Variants in GRM8 observed in about 807,000 individuals in gnomAD.
GRM8 encodes the protein glutamate metabotropic receptor 8.
Under a neutral mutation model 87.2 loss-of-function variants are expected in GRM8, and 47 were observed. The observed-to-expected ratio is 0.54, with a 90% confidence interval of 0.43 to 0.69. GRM8 has a LOEUF of 0.69. Ranked by LOEUF, GRM8 falls within the 30% of genes least tolerant of loss-of-function variation. GRM8 has a pLI of 0.00. For synonymous variants in GRM8, 396 were observed against 404.5 expected (o/e 0.98, Z 0.25); for missense variants, 1,019 against 1,139.2 (o/e 0.89, Z 1.52).
Position 127,234,253 on chromosome 7 carries a change from A to C in GRM8, c.510+8442T>G, listed in dbSNP as rs186209223. ...AATTCCCAATTAATGTATATCTTACAATCTAAGTTTCTTAAATCAGTCTGC... is the reference window on the plus strand; with the variant it reads ...AATTCCCAATTAATGTATATCTTACCATCTAAGTTTCTTAAATCAGTCTGC... On this transcript the variant is annotated intron_variant, in intron 2 of 10. Transcript: ENST00000339582. Among the ~76,000 whole-genome samples the C allele has an allele frequency of 1.7e-3, 252 of 152,346 alleles. 1 individual carries two copies. Among genetic ancestry groups the C allele is most frequent in the Middle Eastern group, 6.8e-3 (2 of 294 alleles).
rs74529736 is a variant in GRM8, at chr7:126,742,962, A to G, written c.1357+26903T>C. ...TATCTTCATTTCCACCACTTCCCCAACAGAGGCTGACCCGCTGTCTGGCAT... is the reference window on the plus strand; with the variant it reads ...TATCTTCATTTCCACCACTTCCCCAGCAGAGGCTGACCCGCTGTCTGGCAT... On this transcript the variant is annotated intron_variant, in intron 7 of 10. Transcript: ENST00000339582. Among the ~76,000 whole-genome samples the G allele has an allele frequency of 1.7e-4, 26 of 152,164 alleles. No individual in the cohort carries two copies. In the East Asian group the frequency reaches 5.1e-3, roughly 30 times the overall value.
intron 8 of GRM8, among the ~76,000 whole-genome samples, chr7:126,561,247 C>T (rs142582747): frequency 7.2e-5 from 11 of 152,132 alleles, no homozygotes; most frequent in African/African-American, 2.4e-4. Flanking sequence ...CCAAGGTGGG[C>T]GGATCACGAG....
chr7:126,879,611 C>G (rs532356541), intron 6 of GRM8, among the ~76,000 whole-genome samples: 6 of 150,694 alleles, frequency 4.0e-5, no homozygotes, highest in Admixed American at 6.6e-5. Context: ...AAGGCAAAGC[C>G]GTACATCACC....
intron 8 of GRM8, among the ~76,000 whole-genome samples, chr7:126,593,602 A>G (rs183727183): frequency 1.6e-3 from 246 of 152,218 alleles, no homozygotes; most frequent in African/African-American, 4.8e-3. Flanking sequence ...TTAACTTAAA[A>G]TGGATTAAAT....
At chr7:126,451,373 A>G (rs942674378) in intron 9 of GRM8, among the ~76,000 whole-genome samples, 7 of 151,684 alleles carry the variant, frequency 4.6e-5, no homozygotes, top group Non-Finnish European at 8.8e-5. Flanking sequence ...ACCATATCCT[A>G]TTGATTCTAC....
chr7:127,087,347 G>A (rs541132560), intron 3 of GRM8, among the ~76,000 whole-genome samples: 14 of 152,304 alleles, frequency 9.2e-5, no homozygotes, highest in Admixed American at 1.3e-4. Flanking sequence ...AATAGAGAAC[G>A]AAGAGTATGA....
intron 9 of GRM8, among the ~76,000 whole-genome samples, chr7:126,503,836 C>T (rs1292867006): frequency 6.6e-6 from 1 of 152,010 alleles, no homozygotes; most frequent in African/African-American, 2.4e-5. Flanking sequence ...CACTTACGGG[C>T]TGAGGCATTC....
chr7:127,235,314 T>C (rs935509236), intron 2 of GRM8, among the ~76,000 whole-genome samples: 1 of 152,250 alleles, frequency 6.6e-6, no homozygotes, highest in African/African-American at 2.4e-5. Context: ...CTCCCTGAAC[T>C]GTCTGAGCAT....
chr7:126,925,133 A>G (rs1321441361), intron 3 of GRM8, among the ~76,000 whole-genome samples: 1 of 152,190 alleles, frequency 6.6e-6, no homozygotes, highest in Non-Finnish European at 1.5e-5. Context: ...AAAACTCCCC[A>G]AAATAGCACT....
intron 2 of GRM8, among the ~76,000 whole-genome samples, chr7:127,160,797 G>A (rs1048132228): frequency 4.4e-5 from 3 of 68,118 alleles, no homozygotes; most frequent in Admixed American, 1.9e-4. Context: ...CCCTCCCCCC[G>A]CCCTTAGGTG....
At chr7:127,229,823 C>T (rs1797570280) in intron 2 of GRM8, 1 of 152,116 alleles carries the variant, frequency 6.6e-6, no homozygotes, top group Non-Finnish European at 1.5e-5. Flanking sequence ...TCCCTGTATA[C>T]TCAAGGGTTA....
intron 2 of GRM8, among the ~76,000 whole-genome samples, chr7:127,226,116 A>T (rs1378142968): frequency 2.0e-5 from 3 of 152,196 alleles, no homozygotes; most frequent in Non-Finnish European, 2.9e-5. Flanking sequence ...TAAATATTAA[A>T]ATCTACAATA....
intron 3 of GRM8, among the ~76,000 whole-genome samples, chr7:127,060,437 G>T (rs1048693762): frequency 6.6e-6 from 1 of 152,010 alleles, no homozygotes; most frequent in Admixed American, 6.6e-5. Flanking sequence ...GAGAGAAAAA[G>T]TTTTCAAATA....
chr7:127,146,451 T>C (rs144863809), intron 2 of GRM8, among the ~76,000 whole-genome samples: 306 of 151,880 alleles, frequency 2.0e-3, no homozygotes, highest in African/African-American at 6.9e-3. Context: ...GAAAAAACAG[T>C]GTGGGGGTCT....
At chr7:126,487,557 C>G (rs1807517190) in intron 9 of GRM8, among the ~76,000 whole-genome samples, 1 of 151,964 alleles carries the variant, frequency 6.6e-6, no homozygotes, top group South Asian at 2.1e-4. Flanking sequence ...TGTCAATGAC[C>G]TTTCCCTATA....
chr7:127,054,162 A>G (rs11563765), intron 3 of GRM8, among the ~76,000 whole-genome samples: 12,131 of 152,222 alleles, frequency 0.08, 524 homozygotes, highest in South Asian at 0.13. Context: ...ACAGGCATTC[A>G]ACATTGACCT....
Position 126,586,401 on chromosome 7 carries a change from G to C in GRM8, c.1494+22961C>G, listed in dbSNP as rs1483316092. On this transcript the variant is annotated intron_variant, in intron 8 of 10. Transcript: ENST00000339582. ...ATCCTAAGCCAAAAGAACAAAGCTG[G>C]AGGCATCATGCTACCTGACTTCAAA... 8.5e-5 allele frequency among the ~76,000 whole-genome samples: 13 copies of C among 152,270 alleles called. 1 individual carries two copies. In the East Asian group the frequency reaches 2.1e-3, roughly 25 times the overall value.
At chr7:126,934,248 A>G (rs1286584578) in intron 3 of GRM8, among the ~76,000 whole-genome samples, 1 of 152,192 alleles carries the variant, frequency 6.6e-6, no homozygotes, top group Non-Finnish European at 1.5e-5. Context: ...CCTCTAACTT[A>G]TCAACTGAGA....
chr7:126,648,942 A>G (rs564516181), intron 7 of GRM8, among the ~76,000 whole-genome samples: 1 of 152,176 alleles, frequency 6.6e-6, no homozygotes, highest in South Asian at 2.1e-4. Flanking sequence ...TGGAGACTTC[A>G]TTTGCCAGTC....
Sources: gnomAD v4.1 joint callset for allele counts (sites outside exome capture counted in the v4.1 genomes callset) on GRCh38, gnomAD v4.1.1 for gene constraint, MANE v1.5 for transcripts, NCBI Gene and HGNC (gene_info 2026-07-23, HGNC 2026-07-21) for gene names.